Variants in RBMS1 observed in about 807,000 individuals in gnomAD.
RBMS1 encodes RNA binding motif single stranded interacting protein 1, also known as RNA-binding motif, single-stranded-interacting protein 1.
In RBMS1, 17 loss-of-function variants were observed where a neutral mutation model predicts 62.3. The ratio of observed to expected loss-of-function variants is 0.27; its 90% CI spans 0.19 to 0.41. The LOEUF is 0.41. Ranked by LOEUF, RBMS1 falls within the 10% of genes least tolerant of loss-of-function variation. RBMS1 has a pLI of 1.00. For missense variants in RBMS1, 334 were observed against 504.5 expected (o/e 0.66, Z 3.24); for synonymous variants, 172 against 170.0 (o/e 1.01, Z -0.09).
At chr2:160,378,418 G>C (rs986179349) in intron 1 of RBMS1, among the ~76,000 whole-genome samples, 10 of 152,076 alleles carry the variant, frequency 6.6e-5, no homozygotes, top group African/African-American at 2.4e-4. Context: ...TTCAAGATCA[G>C]CCTGGGCAAC....
At position 160,426,281 on chromosome 2, in the gene RBMS1, G is replaced by GA. The variant is rs1249685861; in HGVS notation, c.76-58891dup. ...AGAAAGAAAGAAAGAAAGAAAGAAA[G>GA]AAAGAAAGAAAAGAAAGAAGGAAGG... On this transcript the variant is annotated intron_variant, in intron 1 of 13. Transcript: ENST00000348849. Among the ~76,000 whole-genome samples, 391 of 108,290 alleles carry GA rather than the reference G, an allele frequency of 3.6e-3. 2 individuals are homozygous for GA. The highest frequency in any genetic ancestry group is 6.5e-3 in the Admixed American group (64 of 9,842). The allele number at this position is 108,290 out of a possible 152,430, so 71.0% of individuals were successfully genotyped here.
chr2:160,433,194 G>A (rs1454279478), intron 1 of RBMS1, among the ~76,000 whole-genome samples: 3 of 152,052 alleles, frequency 2.0e-5, no homozygotes, highest in Admixed American at 6.5e-5. Flanking sequence ...CAGGTGGATC[G>A]CTTGGGCTCA....
At chr2:160,450,563 T>TAGAAAAAAAAAAAAAAAAAAAAAAAAATA (rs71006605) in intron 1 of RBMS1, among the ~76,000 whole-genome samples, 1 of 122,382 alleles carries the variant, frequency 8.2e-6, no homozygotes, top group African/African-American at 3.0e-5. Flanking sequence ...AAATAAAAAA[T>TAGAAAAAAAAAAAAAAAAAAAAAAAAATA]GAAAAAAAAA....
chr2:160,277,128 C>T (rs749507536), intron 12 of RBMS1, among the ~76,000 whole-genome samples, 175 bp downstream of exon 12: 4 of 152,194 alleles, frequency 2.6e-5, no homozygotes, highest in Admixed American at 6.5e-5. Context: ...ATAAGCAATC[C>T]TCCCTCCTCA....
rs1263093249 is a variant in RBMS1 at position 160,368,134 on chromosome 2, C to T, written c.76-743G>A. On this transcript the variant is annotated intron_variant, in intron 1 of 13. Transcript: ENST00000348849. ...GAAATTGTACTCATACCAGATAATTCTCTGTGCACCGACTGAAAGAAACCA... is the reference window on the plus strand; with the variant it reads ...GAAATTGTACTCATACCAGATAATTTTCTGTGCACCGACTGAAAGAAACCA... Among the ~76,000 whole-genome samples the T allele has an allele frequency of 4.1e-4, 62 of 152,140 alleles. 2 individuals are homozygous for T. The highest frequency in any genetic ancestry group is 4.0e-3 in the Admixed American group (61 of 15,266).
intron 6 of RBMS1, among the ~76,000 whole-genome samples, chr2:160,298,450 G>C (rs1018395643): frequency 6.6e-6 from 1 of 152,184 alleles, no homozygotes; most frequent in Admixed American, 6.5e-5. Context: ...AAAACCTTGA[G>C]AGTAGATGAA....
intron 3 of RBMS1, among the ~76,000 whole-genome samples, chr2:160,317,361 C>A (rs536070377): frequency 1.3e-5 from 2 of 152,176 alleles, no homozygotes; most frequent in African/African-American, 4.8e-5. Flanking sequence ...CTATTCCTGT[C>A]AACTTATTTC....
At chr2:160,422,083 G>T (rs908945744) in intron 1 of RBMS1, among the ~76,000 whole-genome samples, 1 of 152,148 alleles carries the variant, frequency 6.6e-6, no homozygotes, top group African/African-American at 2.4e-5. Context: ...CTGTTCAGCT[G>T]TAAAAAGCAA....
At chr2:160,460,202 TG>T (rs1327208626) in intron 1 of RBMS1, among the ~76,000 whole-genome samples, 1 of 152,046 alleles carries the variant, frequency 6.6e-6, no homozygotes, top group African/African-American at 2.4e-5. Flanking sequence ...TTGCTTTTTG[TG>T]GGGAATAGGG....
chr2:160,355,753 G>A (rs1692761087), intron 2 of RBMS1, among the ~76,000 whole-genome samples: 1 of 152,018 alleles, frequency 6.6e-6, no homozygotes, highest in Non-Finnish European at 1.5e-5. Context: ...GCCAAACTTT[G>A]CCTGATGCCC....
intron 2 of RBMS1, among the ~76,000 whole-genome samples, chr2:160,320,582 T>C (rs1690501967): frequency 6.6e-6 from 1 of 152,048 alleles, no homozygotes; most frequent in Non-Finnish European, 1.5e-5. Flanking sequence ...TGGTAGTGAG[T>C]TCTTGCTCTA....
intron 1 of RBMS1, among the ~76,000 whole-genome samples, chr2:160,403,407 A>C (rs899520154): frequency 2.6e-5 from 4 of 152,202 alleles, no homozygotes; most frequent in Admixed American, 6.5e-5. Context: ...ACAAAACCCA[A>C]TCTACTAAAC....
At chr2:160,427,524 T>C (rs1288714923) in intron 1 of RBMS1, among the ~76,000 whole-genome samples, 1 of 151,212 alleles carries the variant, frequency 6.6e-6, no homozygotes, top group Non-Finnish European at 1.5e-5. Context: ...TATATTTATG[T>C]CTATCTGATG....
At chr2:160,465,321 A>G (rs1385798355) in intron 1 of RBMS1, among the ~76,000 whole-genome samples, 1 of 152,258 alleles carries the variant, frequency 6.6e-6, no homozygotes, top group Non-Finnish European at 1.5e-5. Flanking sequence ...TAGTCTTTGC[A>G]TAACAAATAT....
chr2:160,435,729 G>A (rs919213514), intron 1 of RBMS1, among the ~76,000 whole-genome samples: 3 of 152,204 alleles, frequency 2.0e-5, no homozygotes, highest in African/African-American at 7.2e-5. Flanking sequence ...GAAGTTATAT[G>A]AGCAATTGAA....
intron 1 of RBMS1, among the ~76,000 whole-genome samples, chr2:160,455,640 T>C (rs1684187770): frequency 1.3e-5 from 2 of 151,250 alleles, no homozygotes; most frequent in Non-Finnish European, 2.9e-5. Flanking sequence ...GGAGAGAAAA[T>C]TATAACCATC....
At chr2:160,284,920 C>T in intron 8 of RBMS1, 52 bp from the exon 9 acceptor site, 4 of 1,569,862 alleles carry the variant, frequency 2.5e-6, no homozygotes, top group Non-Finnish European at 3.5e-6. Flanking sequence ...TAGAATAATT[C>T]ATGGAACAAA....
chr2:160,402,707 T>C (rs1695501639), intron 1 of RBMS1, among the ~76,000 whole-genome samples: 1 of 152,206 alleles, frequency 6.6e-6, no homozygotes. Context: ...CAGCTGTTCT[T>C]GACGGGCTTT....
chr2:160,311,653 TA>T (rs1689929819), intron 4 of RBMS1, among the ~76,000 whole-genome samples: 1 of 149,692 alleles, frequency 6.7e-6, no homozygotes, highest in East Asian at 1.9e-4. Flanking sequence ...TTAAAAAGAA[TA>T]CTCAAAAGAT....
Sources: allele counts gnomAD v4.1 joint callset (sites outside exome capture counted in the v4.1 genomes callset), GRCh38; gene constraint gnomAD v4.1.1; transcripts MANE v1.5; gene names NCBI Gene and HGNC (gene_info 2026-07-23, HGNC 2026-07-21).